The following ZNF230 variants were observed in gnomAD, a reference collection of about 807,000 sequenced individuals.
ZNF230 encodes the protein zinc finger protein FDZF2.
In ZNF230, 12 loss-of-function variants were observed where a neutral mutation model predicts 10.0. The ratio of observed to expected loss-of-function variants is 1.20; its 90% CI spans 0.77 to 1.95. The LOEUF is 1.95. Ranked by LOEUF, ZNF230 falls within the 30% of genes most tolerant of loss-of-function variation. ZNF230 has a pLI of 0.00. For synonymous variants in ZNF230, 174 were observed against 193.6 expected (o/e 0.90, Z 0.84); for missense variants, 532 against 565.8 (o/e 0.94, Z 0.61).
rs146185685 is a variant in ZNF230 at position 44,010,270 on chromosome 19, C to T, written c.231C>T (p.Gly77=). The change falls in exon 5 of 5, where the codon GGC becomes GGT. Residue 77 remains glycine, a splice_region_variant and synonymous_variant. Coordinates refer to ENST00000429154, the MANE Select transcript of ZNF230 (RefSeq NM_006300.4). ...ETATQREGNS[G]GKTIAEAGPH... ...TCTCTTCATTCTGTGTCCTTATAGG[C>T]GGCAAGACTATTGCGGAAGCAGGAC... 1.8e-4 allele frequency: 284 copies of T among 1,599,714 alleles called. 2 individuals are homozygous for T. The highest frequency in any genetic ancestry group is 1.7e-3 in the South Asian group (147 of 88,498).
chr19:44,011,578 G>A lies in ZNF230; in HGVS notation c.*114G>A. 6.0e-6 allele frequency: 7 copies of A among 1,168,124 alleles called. No homozygotes were observed. Among genetic ancestry groups the A allele is most frequent in the South Asian group, 1.6e-5 (1 of 62,272 alleles). 72.4% of individuals were successfully genotyped at this position (1,168,124 alleles called of 1,614,324 possible). A position where few individuals can be genotyped will look rare whatever the true frequency, so the allele number is the denominator to read the frequency against. On this transcript the variant is annotated 3_prime_UTR_variant, in exon 5 of 5. Coordinates refer to ENST00000429154, the MANE Select transcript of ZNF230 (RefSeq NM_006300.4). ...TAAACAATTAACATTTCTTTGTTTT[G>A]GGAAAATTCAAAATCCATTGTTCTA...
rs151168498 is a variant in ZNF230, at chr19:44,011,679, T to A, written c.*215T>A. ...GCTTTAGAACACTAGAATGTATTTC[T>A]CCTATCTAGCAGTACTTATGTATCT... On this transcript the variant is annotated 3_prime_UTR_variant, in exon 5 of 5. Coordinates refer to ENST00000429154, the MANE Select transcript of ZNF230 (RefSeq NM_006300.4). 1,247 of 508,714 alleles carry A rather than the reference T, an allele frequency of 2.5e-3. 3 individuals carry two copies. Among genetic ancestry groups the A allele is most frequent in the Non-Finnish European group, 3.8e-3 (1,115 of 296,270 alleles). The allele number at this position is 508,714 out of a possible 1,614,324, so 31.5% of individuals were successfully genotyped here. A position where few individuals can be genotyped will look rare whatever the true frequency, so the allele number is the denominator to read the frequency against.
rs940942893 is a variant in ZNF230, at chr19:44,011,238, G to A, written c.1199G>A (p.Ser400Asn). 1 of 1,614,130 alleles carries A rather than the reference G, an allele frequency of 6.2e-7. No homozygotes were observed. Among genetic ancestry groups the A allele is most frequent in the African/African-American group, 1.3e-5 (1 of 75,040 alleles). ...TATAATTGTAAGGAATGTGGGAAGA[G>A]CTTTAGCCGGGCTTCAAGTATTTTG... ...RPYNCKECGK[S>N]FSRASSILNH... The change falls in exon 5 of 5, where the codon AGC becomes AAC. Residue 400 changes from serine to asparagine, a missense_variant. Transcript: ENST00000429154.
intron 1 of ZNF230, 189 bp from the exon 2 acceptor site, chr19:44,006,822 A>G: frequency 2.9e-6 from 1 of 344,926 alleles, no homozygotes; most frequent in Non-Finnish European, 5.3e-6. Flanking sequence ...TCCAAATTAG[A>G]TTCCATTATA....
At position 44,012,020 on chromosome 19, in the gene ZNF230, A is replaced by C. The variant is rs1286423585; in HGVS notation, c.*556A>C. On this transcript the variant is annotated 3_prime_UTR_variant, in exon 5 of 5. Transcript: ENST00000429154. ...TTCCATATCTTAACTATTGTGAAGA[A>C]TAGTGCTCCAATGAACATGGTAGTG... 1 of 196,160 alleles carries C rather than the reference A, an allele frequency of 5.1e-6. No homozygotes were observed. The highest frequency in any genetic ancestry group is 5.5e-5 in the Admixed American group (1 of 18,026). 12.2% of individuals were successfully genotyped at this position (196,160 alleles called of 1,614,324 possible).
chr19:44,007,224 C>T, intron 2 of ZNF230, 131 bp downstream of exon 2: 2 of 786,222 alleles, frequency 2.5e-6, no homozygotes, highest in Admixed American at 3.3e-5. Flanking sequence ...CAGTTGCTTC[C>T]TTTGTCTCTT....
intron 1 of ZNF230, 40 bp from the exon 2 acceptor site, chr19:44,006,971 C>T (rs368809116): frequency 2.2e-6 from 2 of 900,342 alleles, no homozygotes. Flanking sequence ...CCCCAGCCAC[C>T]ATTTCATGTC....
rs1270784867 is a variant in ZNF230 at position 44,009,130 on chromosome 19, T to G, written c.189T>G (p.Phe63Leu). 2 of 1,614,238 alleles carry G rather than the reference T, an allele frequency of 1.2e-6. No homozygotes were observed. ...HPFHFLREEK[F>L]WMMETATQRE... is the part of the protein sequence containing the mutation. ...TCCACTTCCTAAGGGAAGAAAAGTTTTGGATGATGGAGACAGCAACCCAAA... is the reference window on the plus strand; with the variant it reads ...TCCACTTCCTAAGGGAAGAAAAGTTGTGGATGATGGAGACAGCAACCCAAA... Residue 63 changes from phenylalanine to leucine, a missense_variant, in exon 4 of 5, where the codon TTT becomes TTG. Phe to Leu is a conservative substitution (Grantham distance 22). Coordinates refer to ENST00000429154, the MANE Select transcript of ZNF230 (RefSeq NM_006300.4).
chr19:44,004,932 A>G (rs1976109544), intron 1 of ZNF230, among the ~76,000 whole-genome samples: 1 of 151,500 alleles, frequency 6.6e-6, no homozygotes, highest in Admixed American at 6.6e-5. Flanking sequence ...CCTGGCCAAC[A>G]TGGTGAAACC....
At chr19:44,009,375 A>G in intron 4 of ZNF230, 1 of 612,566 alleles carries the variant, frequency 1.6e-6, no homozygotes, top group East Asian at 2.8e-5. Context: ...GATCCTTGGG[A>G]AATGCAAGTC....
chr19:44,004,341 A>C (rs1976100034), intron 1 of ZNF230: 2 of 152,192 alleles, frequency 1.3e-5, no homozygotes, highest in Admixed American at 1.3e-4. Context: ...CTACTTCTAT[A>C]TTTGTTGATA....
intron 1 of ZNF230, among the ~76,000 whole-genome samples, chr19:44,006,308 TTC>T (rs1444356897): frequency 6.6e-6 from 1 of 152,212 alleles, no homozygotes; most frequent in Admixed American, 6.5e-5. Flanking sequence ...AAACTCAAGT[TTC>T]TTATTGGAAG....
chr19:44,012,272 T>G lies in ZNF230; in HGVS notation c.*808T>G, dbSNP rs924755087. 27 of 428,914 alleles carry G rather than the reference T, an allele frequency of 6.3e-5. No individual in the cohort carries two copies. The Admixed American group carries it at 7.3e-4, about 12-fold the overall frequency. 26.6% of individuals were successfully genotyped at this position (428,914 alleles called of 1,614,324 possible). A position where few individuals can be genotyped will look rare whatever the true frequency, so the allele number is the denominator to read the frequency against. On this transcript the variant is annotated 3_prime_UTR_variant, in exon 5 of 5. Transcript: ENST00000429154. ...GTAATGAGGTGTGTGATAAAGTCTCTGCTCAGTTGTCTATAATCTCATTTG... is the reference window on the plus strand; with the variant it reads ...GTAATGAGGTGTGTGATAAAGTCTCGGCTCAGTTGTCTATAATCTCATTTG...
chr19:44,009,018 G>T, intron 3 of ZNF230, 66 bp from the exon 4 acceptor site: 2 of 1,604,566 alleles, frequency 1.2e-6, no homozygotes, highest in Non-Finnish European at 1.7e-6. Flanking sequence ...TAAATTTCCA[G>T]TAAATTTTAC....
At chr19:44,008,180 C>G (rs1976139796) in intron 2 of ZNF230, among the ~76,000 whole-genome samples, 1 of 152,090 alleles carries the variant, frequency 6.6e-6, no homozygotes, top group South Asian at 2.1e-4. Context: ...TGAGCAGTTC[C>G]TCTCTAACTC....
Position 44,011,418 on chromosome 19 carries a change from G to T in ZNF230, c.1379G>T (p.Arg460Leu), listed in dbSNP as rs375370769. Residue 460 changes from arginine to leucine, a missense_variant, in exon 5 of 5, where the codon CGC (arginine) becomes CTC (leucine). Coordinates refer to ENST00000429154, the MANE Select transcript of ZNF230 (RefSeq NM_006300.4). ...GACTGTGGGAAGCGCTACAAGAGGC[G>T]CTTGAATCTGGATATAATTTTATCA... is the stretch of plus-strand genomic sequence containing the variant. Reference protein sequence around the residue: ...CEDCGKRYKRRLNLDIILSLF... With the variant: ...CEDCGKRYKRLLNLDIILSLF... 1 of 1,606,286 alleles carries T rather than the reference G, an allele frequency of 6.2e-7. No homozygotes were observed. The highest frequency in any genetic ancestry group is 1.1e-5 in the South Asian group (1 of 88,906).
rs1295501933 is a variant in ZNF230, at chr19:44,012,376, C to T, written c.*912C>T. Reference sequence around the variant, plus strand: ...TGTGTGTTTATATCATAATTTATCACAGTCCATACTGATAATATATTTCAT... The same window carrying T: ...TGTGTGTTTATATCATAATTTATCATAGTCCATACTGATAATATATTTCAT... On this transcript the variant is annotated 3_prime_UTR_variant, in exon 5 of 5. Transcript: ENST00000429154. The T allele has an allele frequency of 7.7e-6, 4 of 518,434 alleles. No individual in the cohort carries two copies. Among genetic ancestry groups the T allele is most frequent in the African/African-American group, 7.7e-5 (4 of 51,938 alleles). The allele number at this position is 518,434 out of a possible 1,614,324, so 32.1% of individuals were successfully genotyped here. A position where few individuals can be genotyped will look rare whatever the true frequency, so the allele number is the denominator to read the frequency against.
In ZNF230 at chr19:44,010,674, A is replaced by C. The variant is rs1005094178; in HGVS notation, c.635A>C (p.Gln212Pro). 3 of 1,614,128 alleles carry C rather than the reference A, an allele frequency of 1.9e-6. No homozygotes were observed. Among genetic ancestry groups the C allele is most frequent in the Non-Finnish European group, 2.5e-6 (3 of 1,180,040 alleles). ...GAATTCAGTCAGAGCTCATGTCTGCAAACTCGTGAGAGAGTCCACACTGGA... is the reference window on the plus strand; with the variant it reads ...GAATTCAGTCAGAGCTCATGTCTGCCAACTCGTGAGAGAGTCCACACTGGA... ...GKEFSQSSCL[Q>P]TRERVHTGEK... The change falls in exon 5 of 5, where the codon CAA (glutamine) becomes CCA (proline). Residue 212 changes from glutamine (Q) to proline (P), a missense_variant. By Grantham distance (76) the Gln-to-Pro change is moderately conservative (BLOSUM62 -1). Coordinates refer to ENST00000429154, the MANE Select transcript of ZNF230 (RefSeq NM_006300.4).
Position 44,011,532 on chromosome 19 carries a change from G to GA in ZNF230, c.*69dup. ...GTATATAATACGTAATGATCAAATT[G>GA]ATGTAATTAGTGTATTACCTTAAAC... On this transcript the variant is annotated 3_prime_UTR_variant, in exon 5 of 5. Coordinates refer to ENST00000429154, the MANE Select transcript of ZNF230 (RefSeq NM_006300.4). 1 of 1,399,322 alleles carries GA rather than the reference G, an allele frequency of 7.1e-7. No homozygotes were observed. Among genetic ancestry groups the GA allele is most frequent in the Non-Finnish European group, 9.7e-7 (1 of 1,034,194 alleles). 86.7% of individuals were successfully genotyped at this position (1,399,322 alleles called of 1,614,324 possible).
Sources: allele counts gnomAD v4.1 joint callset (sites outside exome capture counted in the v4.1 genomes callset), GRCh38; gene constraint gnomAD v4.1.1; transcripts MANE v1.5; gene names NCBI Gene and HGNC (gene_info 2026-07-23, HGNC 2026-07-21).